The following TTC27 variants were observed in gnomAD, a reference collection of about 807,000 sequenced individuals.
The protein encoded by TTC27 is tetratricopeptide repeat protein 27.
TTC27 carries 79 observed loss-of-function variants against 115.9 expected under a neutral mutation model. The observed-to-expected ratio is 0.68, with a 90% CI of 0.57 to 0.82. TTC27 has a LOEUF of 0.82. Among genes scored for constraint, TTC27 ranks in the 40% least tolerant of loss-of-function variants. The pLI is 0.00. For missense variants in TTC27, 1,054 were observed against 993.1 expected (o/e 1.06, Z -0.82); for synonymous variants, 401 against 356.0 (o/e 1.13, Z -1.42).
chr2:32,793,286 C>T (rs918729145), intron 16 of TTC27, among the ~76,000 whole-genome samples: 7 of 152,076 alleles, frequency 4.6e-5, no homozygotes, highest in African/African-American at 1.4e-4. Flanking sequence ...ATCAAGAATC[C>T]TTTATCTGGC....
intron 12 of TTC27, among the ~76,000 whole-genome samples, chr2:32,757,796 G>A (rs1452029939): frequency 2.6e-5 from 4 of 152,012 alleles, no homozygotes; most frequent in Non-Finnish European, 5.9e-5. Context: ...GGGTTCAAGC[G>A]ATTTCTCCTG....
chr2:32,771,606 T>G (rs1669832141), intron 13 of TTC27, among the ~76,000 whole-genome samples: 2 of 152,218 alleles, frequency 1.3e-5, no homozygotes, highest in Admixed American at 1.3e-4. Flanking sequence ...AAGAAATTAT[T>G]CCTTTGGAGA....
chr2:32,774,325 C>T (rs894250778), intron 13 of TTC27, among the ~76,000 whole-genome samples: 6 of 151,932 alleles, frequency 3.9e-5, no homozygotes, highest in Middle Eastern at 3.4e-3. Flanking sequence ...GGATTACAGA[C>T]GCATGCCTGC....
At chr2:32,796,090 A>G (rs1670694077) in intron 16 of TTC27, among the ~76,000 whole-genome samples, 1 of 152,244 alleles carries the variant, frequency 6.6e-6, no homozygotes, top group African/African-American at 2.4e-5. Flanking sequence ...TGTTAGAACT[A>G]ATAAATGAAT....
rs191096815 is a variant in TTC27 at position 32,748,346 on chromosome 2, C to T, written c.1453-9946C>T. ...ACATTTGTTGAGACTTGTTTTGTGG[C>T]CTGTCGTATAGTATATCCTGGAGAA... is the stretch of plus-strand genomic sequence containing the variant. On this transcript the variant is annotated intron_variant, in intron 12 of 19. Transcript: ENST00000317907. 2.7e-3 allele frequency among the ~76,000 whole-genome samples: 407 copies of T among 152,232 alleles called. 3 individuals carry two copies. The highest frequency in any genetic ancestry group is 3.3e-3 in the Non-Finnish European group (223 of 68,020).
intron 5 of TTC27, among the ~76,000 whole-genome samples, chr2:32,658,673 G>A (rs1330633138): frequency 6.6e-6 from 1 of 152,208 alleles, no homozygotes; most frequent in Non-Finnish European, 1.5e-5. Flanking sequence ...GTGAGAGATA[G>A]TTTGTCAGTG....
intron 5 of TTC27, among the ~76,000 whole-genome samples, chr2:32,655,653 C>CT (rs1318914803): frequency 3.3e-5 from 5 of 151,946 alleles, no homozygotes; most frequent in Admixed American, 1.3e-4. Context: ...AAATTATCCC[C>CT]TTTTTTGTTG....
intron 3 of TTC27, among the ~76,000 whole-genome samples, chr2:32,640,065 G>A (rs1664583101): frequency 6.6e-6 from 1 of 152,160 alleles, no homozygotes; most frequent in African/African-American, 2.4e-5. Flanking sequence ...TCAGATGGGT[G>A]GCCATCCATC....
At chr2:32,700,929 C>A (rs1667163401) in intron 9 of TTC27, among the ~76,000 whole-genome samples, 1 of 151,974 alleles carries the variant, frequency 6.6e-6, no homozygotes, top group South Asian at 2.1e-4. Context: ...TCTTCTCTTT[C>A]ATATTTTTAT....
intron 9 of TTC27, among the ~76,000 whole-genome samples, chr2:32,698,948 C>T (rs1667092376): frequency 6.6e-6 from 1 of 152,080 alleles, no homozygotes; most frequent in Non-Finnish European, 1.5e-5. Context: ...AGCATATGTT[C>T]CCAATTCTAT....
chr2:32,786,102 C>G (rs903716986), intron 15 of TTC27, among the ~76,000 whole-genome samples: 1 of 147,534 alleles, frequency 6.8e-6, no homozygotes, highest in Non-Finnish European at 1.5e-5. Context: ...CTTTTTGTCA[C>G]TCCTCCCTCT....
chr2:32,721,202 T>C (rs1181549457), intron 10 of TTC27, among the ~76,000 whole-genome samples: 1 of 152,220 alleles, frequency 6.6e-6, no homozygotes, highest in Non-Finnish European at 1.5e-5. Flanking sequence ...AATTTAGAGC[T>C]TTTCATGACT....
In TTC27 at chr2:32,705,086, G is replaced by A. The variant is rs1350070051; in HGVS notation, c.1233+2166G>A. 8.0e-6 allele frequency: 3 copies of A among 373,744 alleles called. No homozygotes were observed. In the Admixed American group the frequency reaches 9.7e-5, roughly 12 times the overall value. The allele number at this position is 373,744 out of a possible 1,614,324, so 23.2% of individuals were successfully genotyped here. On this transcript the variant is annotated intron_variant, in intron 10 of 19. Transcript: ENST00000317907. ...ATGGGGCCTGGTGGGGGGTGTTGGG[G>A]TCACGGGAGGGAGCAGACCCCTCAT...
chr2:32,770,731 G>A (rs117507998), intron 13 of TTC27, among the ~76,000 whole-genome samples: 2 of 152,210 alleles, frequency 1.3e-5, no homozygotes, highest in South Asian at 2.1e-4. Context: ...TCATCTTAGC[G>A]GTTTGTACAT....
chr2:32,654,635 A>G (rs1156618703), intron 5 of TTC27, among the ~76,000 whole-genome samples: 1 of 151,554 alleles, frequency 6.6e-6, no homozygotes. Flanking sequence ...GGCTCAAGTG[A>G]TCCTCCTACC....
chr2:32,689,029 T>C (rs889250125), intron 9 of TTC27, among the ~76,000 whole-genome samples: 3 of 151,980 alleles, frequency 2.0e-5, no homozygotes, highest in African/African-American at 7.2e-5. Flanking sequence ...TACTCAACAA[T>C]AAAAAGTTAT....
chr2:32,778,749 G>A (rs1670079420), intron 14 of TTC27, among the ~76,000 whole-genome samples: 2 of 152,202 alleles, frequency 1.3e-5, no homozygotes, highest in Admixed American at 6.5e-5. Context: ...TGAGTTGGTA[G>A]ACATTTGGAT....
At chr2:32,704,867 C>T in intron 10 of TTC27, 1 of 471,258 alleles carries the variant, frequency 2.1e-6, no homozygotes, top group South Asian at 1.5e-5. Flanking sequence ...TCAGGTGGCA[C>T]ATGATGTTCA....
chr2:32,755,401 C>T (rs1051548026), intron 12 of TTC27, among the ~76,000 whole-genome samples: 1 of 152,174 alleles, frequency 6.6e-6, no homozygotes, highest in Non-Finnish European at 1.5e-5. Flanking sequence ...GCCAACACAG[C>T]GAAACCCCGT....
Sources: allele counts gnomAD v4.1 joint callset (sites outside exome capture counted in the v4.1 genomes callset), GRCh38; gene constraint gnomAD v4.1.1; transcripts MANE v1.5; gene names NCBI Gene and HGNC (gene_info 2026-07-23, HGNC 2026-07-21).